Variants in THSD4 observed in about 807,000 individuals in gnomAD.
THSD4 encodes the protein thrombospondin type 1 domain containing 4, also known as thrombospondin type-1 domain-containing protein 4.
In THSD4, 69 loss-of-function variants were observed where a neutral mutation model predicts 119.0. The observed-to-expected ratio is 0.58, with a 90% CI of 0.48 to 0.71. THSD4 has a LOEUF of 0.71. Ranked by LOEUF, THSD4 falls within the 30% of genes least tolerant of loss-of-function variation. THSD4 has a pLI of 0.00. For missense variants in THSD4, 1,393 were observed against 1,391.1 expected, an observed-to-expected ratio of 1.00 and a Z score of -0.02; for synonymous variants, 524 against 540.4, an observed-to-expected ratio of 0.97 and a Z score of 0.42.
chr15:71,629,184 G>C (rs1159037904), intron 7 of THSD4, among the ~76,000 whole-genome samples: 2 of 152,136 alleles, frequency 1.3e-5, no homozygotes, highest in Non-Finnish European at 2.9e-5. Context: ...ACTCATGGGG[G>C]CTCCCTCTGC....
intron 11 of THSD4, among the ~76,000 whole-genome samples, chr15:71,740,764 A>G (rs2053219161): frequency 6.6e-6 from 1 of 152,160 alleles, no homozygotes; most frequent in Non-Finnish European, 1.5e-5. Context: ...ACCTCACTAT[A>G]TGCTAGTATC....
chr15:71,426,978 C>A (rs2046878578), intron 7 of THSD4, among the ~76,000 whole-genome samples: 1 of 152,088 alleles, frequency 6.6e-6, no homozygotes, highest in African/African-American at 2.4e-5. Flanking sequence ...ATAGGATTAA[C>A]TAAGAAGTAA....
chr15:71,297,184 T>C (rs1443910366), intron 6 of THSD4, among the ~76,000 whole-genome samples: 1 of 152,130 alleles, frequency 6.6e-6, no homozygotes, highest in East Asian at 1.9e-4. Context: ...GTGGTATTCA[T>C]TGTGGTTCTG....
chr15:71,633,873 C>T (rs16955899), intron 7 of THSD4, among the ~76,000 whole-genome samples: 40,496 of 152,052 alleles, frequency 0.27, 6,112 homozygotes, highest in East Asian at 0.62. Context: ...CCACAAAAAA[C>T]TAGCTCCATC....
chr15:71,469,860 TACAAAGAC>T (rs1423474303), intron 7 of THSD4, among the ~76,000 whole-genome samples: 1 of 152,156 alleles, frequency 6.6e-6, no homozygotes, highest in Non-Finnish European at 1.5e-5. Context: ...CTAAATGATA[TACAAAGAC>T]CATTGAGCCA....
chr15:71,135,220 G>T (rs1457462550), intron 1 of THSD4, among the ~76,000 whole-genome samples: 2 of 110,028 alleles, frequency 1.8e-5, no homozygotes, highest in Admixed American at 1.9e-4. Flanking sequence ...ACTGTGGTGG[G>T]GTGGGGGTAG....
At chr15:71,454,815 A>G (rs775039157) in intron 7 of THSD4, among the ~76,000 whole-genome samples, 1 of 152,240 alleles carries the variant, frequency 6.6e-6, no homozygotes, top group Non-Finnish European at 1.5e-5. Context: ...AAAGAGGAAC[A>G]AAATTAACAA....
intron 8 of THSD4, among the ~76,000 whole-genome samples, chr15:71,680,621 A>G (rs2051753264): frequency 6.6e-6 from 1 of 152,232 alleles, no homozygotes; most frequent in Admixed American, 6.5e-5. Flanking sequence ...AAAAATTTGA[A>G]TTATCAGTTT....
At chr15:71,194,778 C>T (rs950817338) in intron 3 of THSD4, among the ~76,000 whole-genome samples, 6 of 152,196 alleles carry the variant, frequency 3.9e-5, no homozygotes, top group South Asian at 2.1e-4. Context: ...ACATTCACTT[C>T]GGTGGCTCCC....
At chr15:71,405,009 C>T (rs1423089790) in intron 6 of THSD4, among the ~76,000 whole-genome samples, 3 of 152,132 alleles carry the variant, frequency 2.0e-5, no homozygotes, top group African/African-American at 7.2e-5. Flanking sequence ...CTGCCTCAGC[C>T]TCCTGAGTTG....
intron 6 of THSD4, among the ~76,000 whole-genome samples, chr15:71,398,119 T>C (rs2046476395): frequency 6.6e-6 from 1 of 152,162 alleles, no homozygotes; most frequent in African/African-American, 2.4e-5. Context: ...ATCTTACTTA[T>C]TAGTAGGATT....
intron 7 of THSD4, among the ~76,000 whole-genome samples, chr15:71,590,760 T>C (rs1176205741): frequency 6.6e-6 from 1 of 151,930 alleles, no homozygotes; most frequent in African/African-American, 2.4e-5. Context: ...TCCCAGCACT[T>C]TGGGAGGCCA....
At chr15:71,700,339 G>A (rs1243514476) in intron 8 of THSD4, among the ~76,000 whole-genome samples, 1 of 151,862 alleles carries the variant, frequency 6.6e-6, no homozygotes, top group Non-Finnish European at 1.5e-5. Flanking sequence ...ATTCACTATA[G>A]CAAGAAAAAT....
rs141427379 is a variant in THSD4, at chr15:71,433,675, A to G, written c.1152+21852A>G. On this transcript the variant is annotated intron_variant, in intron 7 of 17. Transcript: ENST00000261862. ...TTCTGGATTCACATACTAGGTACAG[A>G]GCCCAGGACAAAGGAAACAGCTGTG... 2.2e-3 allele frequency among the ~76,000 whole-genome samples: 337 copies of G among 152,198 alleles called. 3 individuals are homozygous for G. Among genetic ancestry groups the G allele is most frequent in the South Asian group, 0.013 (63 of 4,816 alleles).
At chr15:71,262,819 C>G (rs548165937) in intron 6 of THSD4, among the ~76,000 whole-genome samples, 1 of 152,170 alleles carries the variant, frequency 6.6e-6, no homozygotes, top group Non-Finnish European at 1.5e-5. Context: ...TGCTGTTCAC[C>G]TTCCACGTGT....
chr15:71,361,863 A>G (rs969035486), intron 6 of THSD4, among the ~76,000 whole-genome samples: 1 of 152,246 alleles, frequency 6.6e-6, no homozygotes, highest in African/African-American at 2.4e-5. Flanking sequence ...CACCAAAATA[A>G]AGTGTTGAGT....
chr15:71,112,398 A>G (rs926819490), upstream of THSD4: 2 of 563,064 alleles, frequency 3.6e-6, no homozygotes, highest in African/African-American at 1.9e-5. Context: ...GAACTGACAC[A>G]TGACAGAAGA....
At chr15:71,494,061 C>T (rs1186319533) in intron 7 of THSD4, among the ~76,000 whole-genome samples, 1 of 152,156 alleles carries the variant, frequency 6.6e-6, no homozygotes, top group Non-Finnish European at 1.5e-5. Context: ...CAGGTATAAT[C>T]TAACTTTAAT....
rs1285318373 is a variant in THSD4, at chr15:71,736,147, G to A, written c.1631-1585G>A. Among the ~76,000 whole-genome samples, 6 of 85,676 alleles carry A rather than the reference G, an allele frequency of 7.0e-5. 1 individual carries two copies. Among genetic ancestry groups the A allele is most frequent in the Admixed American group, 4.7e-4 (4 of 8,588 alleles). 56.2% of individuals were successfully genotyped at this position (85,676 alleles called of 152,430 possible). Reference sequence around the variant, plus strand: ...TCTGTCTCTCTCTTGCTCTCTCTCCGTCTCTCTTGCTCTCTGTCTCTGTCT... The same window carrying A: ...TCTGTCTCTCTCTTGCTCTCTCTCCATCTCTCTTGCTCTCTGTCTCTGTCT... On this transcript the variant is annotated intron_variant, in intron 10 of 17. Transcript: ENST00000261862.
Sources: allele counts gnomAD v4.1 joint callset (sites outside exome capture counted in the v4.1 genomes callset), GRCh38; gene constraint gnomAD v4.1.1; transcripts MANE v1.5; gene names NCBI Gene and HGNC (gene_info 2026-07-23, HGNC 2026-07-21).